Variants in PCNT observed in about 807,000 individuals in gnomAD.
PCNT encodes the protein pericentrin.
Under a neutral mutation model 380.4 loss-of-function variants are expected in PCNT, and 319 were observed. The observed-to-expected ratio is 0.84, with a 90% CI of 0.77 to 0.92. The LOEUF (loss-of-function observed/expected upper bound fraction) is 0.92. Among genes scored for constraint, PCNT ranks in the 40% least tolerant of loss-of-function variants. The pLI is 0.00. For synonymous variants in PCNT, 1,845 were observed against 1,735.2 expected (o/e 1.06, Z -1.57); for missense variants, 4,400 against 4,255.3 (o/e 1.03, Z -0.95).
chr21:46,368,044 A>T (rs1003273769), intron 15 of PCNT, among the ~76,000 whole-genome samples: 1 of 152,118 alleles, frequency 6.6e-6, no homozygotes, highest in Non-Finnish European at 1.5e-5. Flanking sequence ...AGTCTCAGCT[A>T]CTTTGGAGGC....
intron 43 of PCNT, among the ~76,000 whole-genome samples, chr21:46,441,722 T>C (rs2053612416): frequency 1.3e-5 from 2 of 152,124 alleles, no homozygotes; most frequent in Non-Finnish European, 1.5e-5. Flanking sequence ...GAGAACACCC[T>C]GCAGGAGGAA....
chr21:46,388,922 G>T lies in PCNT; in HGVS notation c.3607+38G>T. On this transcript the variant is annotated intron_variant, in intron 18 of 46. Coordinates refer to ENST00000359568, the MANE Select transcript of PCNT (RefSeq NM_006031.6). The surrounding 1 kb of genome is among the most constrained non-coding windows in gnomAD (Gnocchi z 4.2). ...GGACCAGCTGCCCAGCCCTGTGCTT[G>T]CAGCCCCTCTGTGGTCCTGGAGCTC... is the stretch of plus-strand genomic sequence containing the variant. The T allele has an allele frequency of 6.4e-7, 1 of 1,561,726 alleles. No homozygotes were observed. The highest frequency in any genetic ancestry group is 8.6e-7 in the Non-Finnish European group (1 of 1,159,888).
At position 46,440,143 on chromosome 21, in the gene PCNT, C is replaced by T. The variant is rs534490490; in HGVS notation, c.9334C>T (p.Pro3112Ser). ...ETAPQSSLRR[P>S]DPGRLPPAAS... ...GGCTCCACAGAGTTCCCTGAGGCGC[C>T]CAGACCCCGGCCGGCTTCCACCAGC... Residue 3112 changes from proline (P) to serine (S), a missense_variant, in exon 42 of 47, where the codon CCA (proline) becomes TCA (serine). Pro to Ser is a moderately conservative substitution (Grantham distance 74). Coordinates refer to ENST00000359568, the MANE Select transcript of PCNT (RefSeq NM_006031.6). 71 of 1,614,072 alleles carry T rather than the reference C, an allele frequency of 4.4e-5. No homozygotes were observed. Among genetic ancestry groups the T allele is most frequent in the Admixed American group, 2.3e-4 (14 of 60,014 alleles).
intron 13 of PCNT, among the ~76,000 whole-genome samples, chr21:46,359,821 T>C (rs2084639853): frequency 6.6e-6 from 1 of 151,874 alleles, no homozygotes; most frequent in Non-Finnish European, 1.5e-5. Context: ...CCAACCTTCG[T>C]GTGCATTTTG....
At chr21:46,330,699 A>C (rs1187021646) in intron 2 of PCNT, among the ~76,000 whole-genome samples, 1 of 152,206 alleles carries the variant, frequency 6.6e-6, no homozygotes, top group East Asian at 1.9e-4. Flanking sequence ...ATCCAGTTGT[A>C]GATGTTAAAA....
chr21:46,410,644 G>T (rs571162726), intron 27 of PCNT, among the ~76,000 whole-genome samples: 1 of 152,316 alleles, frequency 6.6e-6, no homozygotes, highest in South Asian at 2.1e-4. Flanking sequence ...TGAGGATTAT[G>T]TTTCATGGCA....
At chr21:46,365,823 G>A (rs535413050) in intron 14 of PCNT, among the ~76,000 whole-genome samples, 2 of 141,356 alleles carry the variant, frequency 1.4e-5, no homozygotes, top group Admixed American at 7.1e-5. Context: ...TCTATTCACT[G>A]CCGTGGGGTT....
At chr21:46,390,557 C>CT in intron 19 of PCNT, 113 bp from the exon 20 acceptor site, 2 of 1,141,662 alleles carry the variant, frequency 1.8e-6, no homozygotes, top group Non-Finnish European at 2.6e-6. Flanking sequence ...CTGGCCCTGC[C>CT]TGGGTGGTGA....
At position 46,390,783 on chromosome 21, in the gene PCNT, G is replaced by T. The variant is rs751366887; in HGVS notation, c.3954G>T (p.Glu1318Asp). The part of the protein sequence containing the change: ...KHQELLECLK[E>D]ESAAKAELAL... ...AGGAGCTGCTGGAGTGTTTGAAGGA[G>T]GAGAGCGCAGCAAAGGCAGAGCTGG... Residue 1318 changes from glutamate to aspartate, a missense_variant, in exon 20 of 47, where the codon GAG (glutamate) becomes GAT (aspartate). Coordinates refer to ENST00000359568, the MANE Select transcript of PCNT (RefSeq NM_006031.6). 2.5e-6 allele frequency: 4 copies of T among 1,612,702 alleles called. No individual in the cohort carries two copies. Among genetic ancestry groups the T allele is most frequent in the Non-Finnish European group, 3.4e-6 (4 of 1,179,740 alleles).
rs11909415 is a variant in PCNT, at chr21:46,402,706, A to C, written c.5115+223A>C. The stretch of plus-strand genomic sequence containing the variant: ...TGAGGAACCAGCGACCCCTGCCCCA[A>C]ACTGCTTTCTGATTGCAGCACTGAT... On this transcript the variant is annotated intron_variant, in intron 27 of 46. Transcript: ENST00000359568. Among the ~76,000 whole-genome samples, 8,017 of 152,166 alleles carry C rather than the reference A, an allele frequency of 0.053. 449 individuals are homozygous for C. Among genetic ancestry groups the C allele is most frequent in the African/African-American group, 0.14 (5,988 of 41,492 alleles).
chr21:46,410,687 G>GAGTGGC (rs1001973940), intron 27 of PCNT, among the ~76,000 whole-genome samples: 2 of 152,170 alleles, frequency 1.3e-5, no homozygotes, highest in South Asian at 2.1e-4. Flanking sequence ...TGGTGTCACC[G>GAGTGGC]AGTGGCAGTG....
intron 31 of PCNT, among the ~76,000 whole-genome samples, chr21:46,418,753 A>G (rs1349982132): frequency 6.6e-6 from 1 of 152,126 alleles, no homozygotes; most frequent in Non-Finnish European, 1.5e-5. Context: ...CTTGGGGTGG[A>G]CGTCCCTCTC....
chr21:46,440,320 A>G, intron 42 of PCNT, 118 bp downstream of exon 42: 1 of 1,063,754 alleles, frequency 9.4e-7, no homozygotes, highest in Non-Finnish European at 1.4e-6. Context: ...TAGCAGTCAC[A>G]TCACTAAAGG....
At chr21:46,379,018 A>G (rs1380965884) in intron 15 of PCNT, among the ~76,000 whole-genome samples, 1 of 152,160 alleles carries the variant, frequency 6.6e-6, no homozygotes, top group East Asian at 1.9e-4. Context: ...CTGGAAATTC[A>G]GGTCTGGTGC....
Position 46,440,917 on chromosome 21 carries a change from A to G in PCNT, c.9456A>G (p.Gln3152=), listed in dbSNP as rs2053591701. ...AESFRKALIY[Q]KKYLLLLIGG... ...GCTTTAGAAAAGCTCTGATTTATCA[A>G]AAGAAGTATCTTTTGCTGTTGATTG... Residue 3152 remains glutamine (Q), a synonymous_variant, in exon 43 of 47, where the codon CAA becomes CAG. Transcript: ENST00000359568. The G allele has an allele frequency of 3.7e-6, 6 of 1,613,884 alleles. No individual in the cohort carries two copies. In the East Asian group the frequency reaches 1.3e-4, roughly 36 times the overall value.
At chr21:46,436,266 C>G in intron 39 of PCNT, 118 bp downstream of exon 39, 1 of 1,145,726 alleles carries the variant, frequency 8.7e-7, no homozygotes, top group Non-Finnish European at 1.3e-6. Context: ...GCACTTAACG[C>G]TCTAGTCCTC....
intron 3 of PCNT, among the ~76,000 whole-genome samples, chr21:46,342,048 T>C (rs1392477367): frequency 6.6e-6 from 1 of 151,922 alleles, no homozygotes; most frequent in South Asian, 2.1e-4. Flanking sequence ...TTCAAGTGAT[T>C]CTCATGCCTC....
At chr21:46,421,418 G>A (rs547727018) in intron 31 of PCNT, among the ~76,000 whole-genome samples, 16 of 151,740 alleles carry the variant, frequency 1.1e-4, no homozygotes, top group African/African-American at 3.2e-4. Context: ...GTGGGCTGGC[G>A]CAGCTGCAGG....
chr21:46,372,643 C>T (rs1295024045), intron 15 of PCNT, among the ~76,000 whole-genome samples: 1 of 152,182 alleles, frequency 6.6e-6, no homozygotes, highest in Non-Finnish European at 1.5e-5. Context: ...ATGCTAAGAT[C>T]TCATTTCTAG....
Sources: allele counts gnomAD v4.1 joint callset (sites outside exome capture counted in the v4.1 genomes callset), GRCh38; gene constraint gnomAD v4.1.1; non-coding constraint Gnocchi (gnomAD v3.1); transcripts MANE v1.5; gene names NCBI Gene and HGNC (gene_info 2026-07-23, HGNC 2026-07-21).